Variants in TCF3 observed in about 807,000 individuals in gnomAD.
TCF3 encodes transcription factor 3.
Under a neutral mutation model 72.3 loss-of-function variants are expected in TCF3, and 54 were observed. The observed-to-expected ratio is 0.75, with a 90% CI of 0.60 to 0.94. The LOEUF (loss-of-function observed/expected upper bound fraction) is 0.94, where lower values mean the gene tolerates loss of function less well. Ranked by LOEUF, TCF3 falls within the 40% of genes least tolerant of loss-of-function variation. The pLI, the probability that TCF3 is intolerant of heterozygous loss-of-function variation, is 0.00. For synonymous variants in TCF3, 525 were observed against 412.6 expected (o/e 1.27, Z -3.30); for missense variants, 1,078 against 934.4 (o/e 1.15, Z -2.00).
chr19:1,630,821 C>G (rs1194443713), intron 5 of TCF3, among the ~76,000 whole-genome samples: 1 of 152,112 alleles, frequency 6.6e-6, no homozygotes, highest in Admixed American at 6.6e-5. Context: ...CCCAAGACCC[C>G]TACCTGAGCC....
intron 3 of TCF3, among the ~76,000 whole-genome samples, chr19:1,632,940 C>G (rs1057268134): frequency 6.6e-6 from 1 of 152,222 alleles, no homozygotes; most frequent in Non-Finnish European, 1.5e-5. Context: ...GAAGCAGCAG[C>G]AGAGGCTCAC....
intron 3 of TCF3, among the ~76,000 whole-genome samples, chr19:1,635,786 G>A (rs971041066): frequency 1.3e-5 from 2 of 152,060 alleles, no homozygotes; most frequent in Non-Finnish European, 2.9e-5. Context: ...CTGCTGTACT[G>A]AACAACCCAG....
rs1160885264 is a variant in TCF3 at position 1,632,316 on chromosome 19, T to C, written c.219+16A>G. 1.3e-6 allele frequency: 2 copies of C among 1,574,854 alleles called. No individual in the cohort carries two copies. The highest frequency in any genetic ancestry group is 2.3e-5 in the South Asian group (2 of 85,778). On this transcript the variant is annotated intron_variant, in intron 4 of 18. Transcript: ENST00000262965. The stretch of plus-strand genomic sequence containing the variant: ...GACAGGAAACTCAGGGTCTCAGGCC[T>C]CACGGGGACTCCTACCCGGCTGGGG...
At chr19:1,648,183 C>G (rs373247516) in intron 2 of TCF3, among the ~76,000 whole-genome samples, 1 of 152,196 alleles carries the variant, frequency 6.6e-6, no homozygotes, top group Non-Finnish European at 1.5e-5. Flanking sequence ...TGTTCTCTCA[C>G]TTTATACGCA....
intron 3 of TCF3, among the ~76,000 whole-genome samples, chr19:1,640,870 C>T (rs1251797705): frequency 1.3e-5 from 2 of 148,834 alleles, no homozygotes; most frequent in Non-Finnish European, 3.0e-5. Context: ...ATGAGGCGGC[C>T]AGGCGCGGTG....
intron 2 of TCF3, 70 bp from the exon 3 acceptor site, chr19:1,646,497 C>A: frequency 1.4e-6 from 2 of 1,439,410 alleles, no homozygotes; most frequent in Non-Finnish European, 1.9e-6. Flanking sequence ...CGGGTTCAAA[C>A]CCAAGCTGGG....
rs1327601792 is a variant in TCF3 at position 1,610,209 on chromosome 19, G to C, written c.*1498C>G. The C allele has an allele frequency of 1.7e-5, 4 of 232,026 alleles. No homozygotes were observed. The highest frequency in any genetic ancestry group is 2.6e-5 in the Non-Finnish European group (3 of 117,388). The allele number at this position is 232,026 out of a possible 1,614,324, so 14.4% of individuals were successfully genotyped here. A position where few individuals can be genotyped will look rare whatever the true frequency, so the allele number is the denominator to read the frequency against. On this transcript the variant is annotated 3_prime_UTR_variant, in exon 19 of 19. Transcript: ENST00000262965. ...CCCGAGGGGACACCCTGCTGGTTCT[G>C]CAGCAGGGTCGGACGCACAGCCCAA...
Position 1,609,616 on chromosome 19 carries a change from G to A in TCF3, c.*2091C>T, listed in dbSNP as rs1472722225. The A allele has an allele frequency of 7.2e-5, 16 of 221,428 alleles. No homozygotes were observed. Among genetic ancestry groups the A allele is most frequent in the Non-Finnish European group, 1.3e-4 (14 of 110,834 alleles). The allele number at this position is 221,428 out of a possible 1,614,324, so 13.7% of individuals were successfully genotyped here. On this transcript the variant is annotated 3_prime_UTR_variant, in exon 19 of 19. Coordinates refer to ENST00000262965, the MANE Select transcript of TCF3 (RefSeq NM_003200.5). ...CACCCAGACCTAGGGGCAGGGCCAGGAGCAAAACAAGAGGGAGAGGCAAGT... is the reference window on the plus strand; with the variant it reads ...CACCCAGACCTAGGGGCAGGGCCAGAAGCAAAACAAGAGGGAGAGGCAAGT...
chr19:1,615,772 C>A lies in TCF3; in HGVS notation c.1500G>T (p.Glu500Asp). ...ATAAASEIKR[E>D]EKEDEENTSA... ...ACGTGTTCTCCTCGTCCTCCTTCTC[C>A]TCCCGCTTGATCTCGCTGGCGGCCG... The change falls in exon 17 of 19, where the codon GAG becomes GAT. Residue 500 changes from glutamate to aspartate, a missense_variant. Transcript: ENST00000262965. The surrounding 1 kb of genome is among the most constrained non-coding windows in gnomAD (Gnocchi z 7.3). The A allele has an allele frequency of 1.3e-6, 2 of 1,597,568 alleles. No individual in the cohort carries two copies. The highest frequency in any genetic ancestry group is 1.7e-6 in the Non-Finnish European group (2 of 1,169,634).
At chr19:1,632,679 G>A (rs1299813382) in intron 3 of TCF3, among the ~76,000 whole-genome samples, 1 of 152,144 alleles carries the variant, frequency 6.6e-6, no homozygotes, top group Non-Finnish European at 1.5e-5. Flanking sequence ...TAAAGCCCCA[G>A]CTTTCATACC....
At chr19:1,651,167 A>T (rs1183793281) in intron 1 of TCF3, 1 of 231,472 alleles carries the variant, frequency 4.3e-6, no homozygotes, top group Non-Finnish European at 8.5e-6. Flanking sequence ...TTCCACCCCC[A>T]GAAAAAGGTA....
At chr19:1,617,571 T>C (rs1353826317) in intron 16 of TCF3, among the ~76,000 whole-genome samples, 1 of 151,980 alleles carries the variant, frequency 6.6e-6, no homozygotes, top group Non-Finnish European at 1.5e-5. Context: ...CCAGCTGCCA[T>C]CCCCTGAGAC....
intron 5 of TCF3, among the ~76,000 whole-genome samples, chr19:1,629,336 A>G (rs921075023): frequency 4.0e-5 from 6 of 150,880 alleles, no homozygotes; most frequent in South Asian, 2.1e-4. Flanking sequence ...AGGCTCCCCC[A>G]AAGTGCCCAG....
intron 16 of TCF3, among the ~76,000 whole-genome samples, chr19:1,618,802 C>A (rs1248281267): frequency 6.6e-6 from 1 of 152,242 alleles, no homozygotes; most frequent in East Asian, 1.9e-4. Context: ...TGGTCTGTCT[C>A]CCCTGAGGCA....
chr19:1,651,715 GGCGGTGCGGCCCGGGAGCCTTTGAAGCTC>G (rs1305647376), intron 1 of TCF3, among the ~76,000 whole-genome samples: 1 of 151,786 alleles, frequency 6.6e-6, no homozygotes, highest in Non-Finnish European at 1.5e-5. Context: ...AGCCGGTGCA[GGCGGTGCGGCCCGGGAGCCTTTGAAGCTC>G]GCAGCGCGGC....
chr19:1,620,416 C>T (rs543704901), intron 13 of TCF3, among the ~76,000 whole-genome samples: 14 of 152,332 alleles, frequency 9.2e-5, no homozygotes, highest in Non-Finnish European at 1.5e-4. Context: ...TCTGCCCTCC[C>T]ATGCCGGAGC....
At position 1,624,040 on chromosome 19, in the gene TCF3, T is replaced by C. The variant is rs200835303; in HGVS notation, c.500-40A>G. The stretch of plus-strand genomic sequence containing the variant: ...AGGGGTGAGAACCGGCCACCGGCCA[T>C]GAGAACAACCCCTGCCCTACACCCT... On this transcript the variant is annotated intron_variant, in intron 7 of 18. Transcript: ENST00000262965. 621 of 1,602,538 alleles carry C rather than the reference T, an allele frequency of 3.9e-4. 3 individuals carry two copies. In the East Asian group the frequency reaches 0.013, roughly 33 times the overall value.
chr19:1,618,970 T>C, intron 16 of TCF3, 141 bp downstream of exon 16: 1 of 1,393,782 alleles, frequency 7.2e-7, no homozygotes, highest in Non-Finnish European at 9.7e-7. Flanking sequence ...CCTCCTGAAG[T>C]TGCTGACTGG....
rs2061365987 is a variant in TCF3, at chr19:1,614,618, G to A, written c.1822+667C>T. 2.6e-5 allele frequency among the ~76,000 whole-genome samples: 4 copies of A among 152,178 alleles called. No homozygotes were observed. Among genetic ancestry groups the A allele is most frequent in the Admixed American group, 2.0e-4 (3 of 15,276 alleles). On this transcript the variant is annotated intron_variant, in intron 18 of 18. Transcript: ENST00000262965. This position sits in a 1 kb window ranked among gnomAD's most constrained non-coding sequence, Gnocchi z 5.6. ...TGGCTCCGGTCCCAGCAACAGTGCT[G>A]CAGGAGAGAAAGGGTTAACGGGGTG...
Sources: gnomAD v4.1 joint callset for allele counts (sites outside exome capture counted in the v4.1 genomes callset) on GRCh38, gnomAD v4.1.1 for gene constraint, Gnocchi (gnomAD v3.1) non-coding constraint, MANE v1.5 for transcripts, NCBI Gene and HGNC (gene_info 2026-07-23, HGNC 2026-07-21) for gene names.